The following NPAS2 variants were observed in gnomAD, a reference collection of about 807,000 sequenced individuals.
The protein encoded by NPAS2 is neuronal PAS domain protein 2.
In NPAS2, 23 loss-of-function variants were observed where a neutral mutation model predicts 107.5. The ratio of observed to expected loss-of-function variants is 0.21; its 90% CI spans 0.15 to 0.30. The LOEUF is 0.30. Ranked by LOEUF, NPAS2 falls within the 10% of genes least tolerant of loss-of-function variation. NPAS2 has a pLI of 1.00. For synonymous variants in NPAS2, 403 were observed against 417.5 expected (o/e 0.97, Z 0.42); for missense variants, 756 against 1,043.3 (o/e 0.72, Z 3.79).
chr2:100,885,899 G>A (rs1680669242), intron 1 of NPAS2, among the ~76,000 whole-genome samples: 1 of 152,198 alleles, frequency 6.6e-6, no homozygotes, highest in African/African-American at 2.4e-5. Flanking sequence ...GACCTCAGGT[G>A]ATCTGCCTGC....
Position 100,995,771 on chromosome 2 carries a change from T to C in NPAS2, c.*189T>C. 1.9e-6 allele frequency: 3 copies of C among 1,549,162 alleles called. No homozygotes were observed. Among genetic ancestry groups the C allele is most frequent in the Non-Finnish European group, 1.7e-6 (2 of 1,146,630 alleles). On this transcript the variant is annotated 3_prime_UTR_variant, in exon 21 of 21. Transcript: ENST00000335681. The stretch of plus-strand genomic sequence containing the variant: ...CTGCAGTGGAAATGATCAGGAATAC[T>C]GACCGTGTTTCTCTTGCCTCCGAGG...
intron 1 of NPAS2, among the ~76,000 whole-genome samples, chr2:100,855,231 T>A (rs763057570): frequency 2.6e-5 from 4 of 152,232 alleles, no homozygotes; most frequent in Non-Finnish European, 4.4e-5. Context: ...TAATTTTGTT[T>A]TCCTTGACAT....
rs575358175 is a variant in NPAS2, at chr2:100,956,460, T to C, written c.598+6980T>C. Reference sequence around the variant, plus strand: ...GCTCCCACTTACCAGTGAGTGCATGTGGTATTTTGTTTTCTGTTGCTGTGT... The same window carrying C: ...GCTCCCACTTACCAGTGAGTGCATGCGGTATTTTGTTTTCTGTTGCTGTGT... On this transcript the variant is annotated intron_variant, in intron 7 of 20. Coordinates refer to ENST00000335681, the MANE Select transcript of NPAS2 (RefSeq NM_002518.4). Among the ~76,000 whole-genome samples the C allele has an allele frequency of 2.0e-5, 3 of 152,308 alleles. No homozygotes were observed. The East Asian group carries it at 5.8e-4, about 29-fold the overall frequency.
chr2:100,927,263 T>C (rs1444469110), intron 3 of NPAS2, among the ~76,000 whole-genome samples: 3 of 152,202 alleles, frequency 2.0e-5, no homozygotes, highest in Non-Finnish European at 4.4e-5. Context: ...AACTGTAGGT[T>C]AAGCATAGAT....
intron 1 of NPAS2, among the ~76,000 whole-genome samples, chr2:100,851,852 G>T (rs1415738932): frequency 1.3e-5 from 2 of 152,150 alleles, no homozygotes; most frequent in Non-Finnish European, 2.9e-5. Context: ...GTTTTTGAAT[G>T]AGTGAGTAGT....
rs555104961 is a variant in NPAS2 at position 100,993,433 on chromosome 2, G to A, written c.2198G>A (p.Gly733Glu). The change falls in exon 20 of 21, where the codon GGG (glycine) becomes GAG (glutamate). Residue 733 changes from glycine (G) to glutamate (E), a missense_variant. Transcript: ENST00000335681. ...SSAPMPVLLM[G>E]QAVLHPSFPA... Reference sequence around the variant, plus strand: ...GCCCCGATGCCCGTCCTGCTGATGGGGCAGGCGGTGCTCCACCCCAGCTTC... The same window carrying A: ...GCCCCGATGCCCGTCCTGCTGATGGAGCAGGCGGTGCTCCACCCCAGCTTC... 1.1e-5 allele frequency: 17 copies of A among 1,613,504 alleles called. No homozygotes were observed. The highest frequency in any genetic ancestry group is 4.4e-5 in the South Asian group (4 of 91,046).
intron 1 of NPAS2, among the ~76,000 whole-genome samples, chr2:100,885,709 C>T (rs1680658138): frequency 6.6e-6 from 1 of 152,228 alleles, no homozygotes; most frequent in African/African-American, 2.4e-5. Context: ...GAGTCTTGCT[C>T]TGTCACCCAG....
At chr2:100,853,974 CAAAA>C (rs5832937) in intron 1 of NPAS2, among the ~76,000 whole-genome samples, 4 of 116,280 alleles carry the variant, frequency 3.4e-5, no homozygotes, top group African/African-American at 6.7e-5. Flanking sequence ...CAGCCCACGA[CAAAA>C]AAAAAAAAAA....
intron 7 of NPAS2, among the ~76,000 whole-genome samples, chr2:100,954,840 C>G (rs1675469028): frequency 6.6e-6 from 1 of 151,482 alleles, no homozygotes; most frequent in African/African-American, 2.4e-5. Context: ...AGAAAAATGA[C>G]CACTAACATC....
At chr2:100,975,705 G>A in intron 14 of NPAS2, 138 bp downstream of exon 14, 1 of 550,916 alleles carries the variant, frequency 1.8e-6, no homozygotes, top group South Asian at 3.1e-5. Flanking sequence ...AGATGGGGGT[G>A]GGAAGTTAAG....
chr2:100,993,800 C>T (rs1280813439), intron 20 of NPAS2: 1 of 366,878 alleles, frequency 2.7e-6, no homozygotes, highest in Non-Finnish European at 4.8e-6. Flanking sequence ...AGTTTCTACT[C>T]AAGGATTTGC....
At chr2:100,970,792 A>T in intron 11 of NPAS2, 198 bp from the exon 12 acceptor site, 1 of 478,380 alleles carries the variant, frequency 2.1e-6, no homozygotes, top group East Asian at 3.4e-5. Flanking sequence ...TAATATTATA[A>T]GTCACTCAGG....
chr2:100,856,865 T>A (rs1045759979), intron 1 of NPAS2, among the ~76,000 whole-genome samples: 1 of 152,190 alleles, frequency 6.6e-6, no homozygotes, highest in Non-Finnish European at 1.5e-5. Context: ...ATGAGTCATT[T>A]AAAAATTTCA....
chr2:100,954,673 A>G lies in NPAS2; in HGVS notation c.598+5193A>G, dbSNP rs1380469224. ...TAGTAAAACTGTGTCTCAAAAAAAAAAAAAAAAGAAAAAAAAGAAAAGAAA... is the reference window on the plus strand; with the variant it reads ...TAGTAAAACTGTGTCTCAAAAAAAAGAAAAAAAGAAAAAAAAGAAAAGAAA... On this transcript the variant is annotated intron_variant, in intron 7 of 20. Coordinates refer to ENST00000335681, the MANE Select transcript of NPAS2 (RefSeq NM_002518.4). Among the ~76,000 whole-genome samples, 16 of 123,634 alleles carry G rather than the reference A, an allele frequency of 1.3e-4. No individual in the cohort carries two copies. The East Asian group carries it at 4.2e-3, about 32-fold the overall frequency. 81.1% of individuals were successfully genotyped at this position (123,634 alleles called of 152,430 possible).
intron 1 of NPAS2, among the ~76,000 whole-genome samples, chr2:100,866,094 G>C (rs1007004257): frequency 6.6e-6 from 1 of 152,174 alleles, no homozygotes; most frequent in Non-Finnish European, 1.5e-5. Context: ...CAGCTGTCTG[G>C]CCACACACTC....
At chr2:100,877,939 C>T in intron 1 of NPAS2, 1 of 981,494 alleles carries the variant, frequency 1.0e-6, no homozygotes, top group South Asian at 4.7e-5. Flanking sequence ...GTAAACATGG[C>T]TGAAACACTA....
intron 1 of NPAS2, chr2:100,821,096 T>A: frequency 7.7e-7 from 1 of 1,304,508 alleles, no homozygotes; most frequent in Non-Finnish European, 1.0e-6. Context: ...CTTTGACCTT[T>A]CTGAAGAGCT....
intron 20 of NPAS2, chr2:100,994,921 T>C (rs1475669038): frequency 6.4e-6 from 1 of 155,418 alleles, no homozygotes; most frequent in Admixed American, 6.5e-5. Context: ...TCAAAGCTTC[T>C]AAACTTCCAA....
intron 1 of NPAS2, among the ~76,000 whole-genome samples, chr2:100,853,319 A>G (rs1260155130): frequency 2.0e-5 from 3 of 152,192 alleles, no homozygotes; most frequent in Non-Finnish European, 2.9e-5. Context: ...GTAAATTTCA[A>G]TTTACATTTA....
Sources: allele counts gnomAD v4.1 joint callset (sites outside exome capture counted in the v4.1 genomes callset), GRCh38; gene constraint gnomAD v4.1.1; transcripts MANE v1.5; gene names NCBI Gene and HGNC (gene_info 2026-07-23, HGNC 2026-07-21).